The following TMEM26 variants were observed in gnomAD, a reference collection of about 807,000 sequenced individuals.
The protein encoded by TMEM26 is transmembrane protein 26.
TMEM26 carries 38 observed loss-of-function variants against 28.8 expected under a neutral mutation model. The ratio of observed to expected loss-of-function variants is 1.32; its 90% CI spans 1.02 to 1.73. The LOEUF (loss-of-function observed/expected upper bound fraction) is 1.73. Among genes scored for constraint, TMEM26 ranks in the 40% most tolerant of loss-of-function variants. The probability of loss-of-function intolerance (pLI) is 0.00; values close to 1 mark genes in which losing one functional copy is unlikely to be tolerated. For missense variants in TMEM26, 518 were observed against 447.1 expected (o/e 1.16, Z -1.43); for synonymous variants, 227 against 182.9 (o/e 1.24, Z -1.95).
intron 4 of TMEM26, among the ~76,000 whole-genome samples, chr10:61,420,518 T>C (rs987916563): frequency 7.9e-5 from 12 of 152,104 alleles, no homozygotes; most frequent in Admixed American, 7.9e-4. Context: ...TGAAGGCCAG[T>C]AGACAGTGAA....
Position 61,452,971 on chromosome 10 carries a change from C to T in TMEM26, c.111G>A (p.Trp37Ter). The change falls in exon 1 of 6, where the codon TGG (tryptophan) becomes TGA (stop). Residue 37 changes from tryptophan to a stop codon, truncating the protein, a stop_gained. Transcript: ENST00000399298. LOFTEE classifies it high-confidence loss of function. The stretch of plus-strand genomic sequence containing the variant: ...GCAAGAGGTTGAGCAGCGCAAGCAG[C>T]CAGTACCGCGGCTCCTTCTTCACCT... ...VTEVKKEPRY[W>*]LLALLNLLLF... 1 of 1,614,114 alleles carries T rather than the reference C, an allele frequency of 6.2e-7. No homozygotes were observed. Among genetic ancestry groups the T allele is most frequent in the Non-Finnish European group, 8.5e-7 (1 of 1,180,034 alleles).
intron 5 of TMEM26, among the ~76,000 whole-genome samples, chr10:61,413,216 C>T (rs912385981): frequency 2.0e-5 from 3 of 152,020 alleles, no homozygotes; most frequent in Non-Finnish European, 2.9e-5. Flanking sequence ...GACGGAACTG[C>T]TATTTGAAGT....
intron 4 of TMEM26, among the ~76,000 whole-genome samples, chr10:61,423,793 T>C (rs1839786317): frequency 1.3e-5 from 2 of 152,156 alleles, no homozygotes; most frequent in South Asian, 4.1e-4. Flanking sequence ...AAGTCAAGGT[T>C]GGTTTAATAT....
At chr10:61,413,356 A>T (rs1589024501) in intron 5 of TMEM26, 103 bp downstream of exon 5, 1 of 1,499,690 alleles carries the variant, frequency 6.7e-7, no homozygotes, top group Non-Finnish European at 8.9e-7. Context: ...TAATATTGGG[A>T]TACAGACATG....
At chr10:61,446,932 C>T (rs888109075) in intron 1 of TMEM26, among the ~76,000 whole-genome samples, 21 of 149,702 alleles carry the variant, frequency 1.4e-4, no homozygotes, top group African/African-American at 4.9e-4. Context: ...GGAAAAACAG[C>T]GTCAAGACTT....
chr10:61,411,128 G>A (rs1839563364), intron 5 of TMEM26, among the ~76,000 whole-genome samples: 1 of 152,188 alleles, frequency 6.6e-6, no homozygotes, highest in Non-Finnish European at 1.5e-5. Flanking sequence ...GGTCCACAGT[G>A]TAAGGAAGCC....
intron 2 of TMEM26, 133 bp from the exon 3 acceptor site, chr10:61,431,465 C>A: frequency 3.5e-6 from 2 of 564,238 alleles, no homozygotes; most frequent in Non-Finnish European, 6.1e-6. Context: ...ATAAACATTT[C>A]CAAAAATCGG....
At chr10:61,429,801 C>T (rs1446045498) in intron 3 of TMEM26, among the ~76,000 whole-genome samples, 5 of 151,946 alleles carry the variant, frequency 3.3e-5, no homozygotes, top group Non-Finnish European at 7.4e-5. Context: ...AACTTACATC[C>T]CACCAATGTA....
At chr10:61,429,196 A>C in intron 3 of TMEM26, 50 bp from the exon 4 acceptor site, 2 of 1,486,198 alleles carry the variant, frequency 1.3e-6, no homozygotes, top group Non-Finnish European at 1.9e-6. Flanking sequence ...ACCACCTGAG[A>C]GAGAAATATT....
chr10:61,436,243 G>T lies in TMEM26; in HGVS notation c.197C>A (p.Ser66Ter). Residue 66 changes from serine to a stop codon, truncating the protein, a stop_gained, in exon 2 of 6, where the codon TCA becomes TAA. Coordinates refer to ENST00000399298, the MANE Select transcript of TMEM26 (RefSeq NM_178505.8). LOFTEE classifies it high-confidence loss of function. ...AATCAGATATAAAAATATGGCTGGT[G>T]AAAACCTGTGAAAAGAGAGAAGAAA... The part of the protein sequence containing the change: ...FKRGRGYKWF[S>*]PAIFLYLISI... The T allele has an allele frequency of 6.4e-7, 1 of 1,566,224 alleles. No individual in the cohort carries two copies. Among genetic ancestry groups the T allele is most frequent in the Admixed American group, 1.8e-5 (1 of 54,900 alleles).
intron 2 of TMEM26, among the ~76,000 whole-genome samples, chr10:61,432,382 CA>C (rs1289846777): frequency 6.6e-6 from 1 of 151,882 alleles, no homozygotes; most frequent in Non-Finnish European, 1.5e-5. Context: ...AGAATTTCTC[CA>C]AGTGAATTGT....
At chr10:61,412,178 A>C (rs574184193) in intron 5 of TMEM26, among the ~76,000 whole-genome samples, 1 of 152,230 alleles carries the variant, frequency 6.6e-6, no homozygotes, top group African/African-American at 2.4e-5. Flanking sequence ...ATGGCACCTA[A>C]TATTCTGTAA....
intron 1 of TMEM26, among the ~76,000 whole-genome samples, chr10:61,445,694 G>A (rs1401710954): frequency 6.6e-6 from 1 of 151,824 alleles, no homozygotes; most frequent in Non-Finnish European, 1.5e-5. Flanking sequence ...TTAAAAAAAA[G>A]GAAAGAAACT....
At chr10:61,439,293 T>C (rs1840055534) in intron 1 of TMEM26, among the ~76,000 whole-genome samples, 1 of 152,230 alleles carries the variant, frequency 6.6e-6, no homozygotes, top group South Asian at 2.1e-4. Flanking sequence ...GCAAGCTCCA[T>C]GAAGGAAGGT....
At chr10:61,412,978 C>T in intron 5 of TMEM26, 1 of 1,276,584 alleles carries the variant, frequency 7.8e-7, no homozygotes, top group Non-Finnish European at 1.0e-6. Context: ...CCTATGTCTT[C>T]TGAAGTTCTA....
chr10:61,417,389 A>T (rs990312943), intron 4 of TMEM26, among the ~76,000 whole-genome samples: 2 of 151,926 alleles, frequency 1.3e-5, no homozygotes, highest in African/African-American at 4.8e-5. Flanking sequence ...TATTTTGCCA[A>T]TGTGCTTAGC....
In TMEM26 at chr10:61,428,262, G is replaced by A. The variant is rs369184865; in HGVS notation, c.605+664C>T. Among the ~76,000 whole-genome samples the A allele has an allele frequency of 1.3e-4, 20 of 152,146 alleles. No individual in the cohort carries two copies. In the South Asian group the frequency reaches 2.1e-3, roughly 16 times the overall value. The stretch of plus-strand genomic sequence containing the variant: ...TTAAATCCCTAATGGTAAGAAAGTC[G>A]TTCCGTAAACAGATGTGATCATGGA... On this transcript the variant is annotated intron_variant, in intron 4 of 5. Transcript: ENST00000399298.
chr10:61,410,813 G>A (rs755131956), intron 5 of TMEM26, 67 bp from the exon 6 acceptor site: 124 of 1,488,062 alleles, frequency 8.3e-5, no homozygotes, highest in Middle Eastern at 5.3e-4. Flanking sequence ...CAATGCCATG[G>A]GGACGAGTCA....
chr10:61,413,355 G>A, intron 5 of TMEM26, 104 bp downstream of exon 5: 2 of 1,492,388 alleles, frequency 1.3e-6, no homozygotes, highest in East Asian at 2.4e-5. Context: ...CTAATATTGG[G>A]ATACAGACAT....
Sources: allele counts gnomAD v4.1 joint callset (sites outside exome capture counted in the v4.1 genomes callset), GRCh38; gene constraint gnomAD v4.1.1; transcripts MANE v1.5; gene names NCBI Gene and HGNC (gene_info 2026-07-23, HGNC 2026-07-21).